The following IKZF1 variants were observed in gnomAD, a reference collection of about 807,000 sequenced individuals.
IKZF1 encodes DNA-binding protein Ikaros.
In IKZF1, 10 loss-of-function variants were observed where a neutral mutation model predicts 51.7. That is an observed-to-expected ratio of 0.19 (90% CI 0.12 to 0.33). IKZF1 has a LOEUF of 0.33. IKZF1 is among the 10% of genes least tolerant of loss of function. The pLI is 1.00. For missense variants in IKZF1, 484 were observed against 707.5 expected (o/e 0.68, Z 3.58); for synonymous variants, 280 against 282.3 (o/e 0.99, Z 0.08).
At chr7:50,320,214 T>G (rs1792806525) in intron 2 of IKZF1, among the ~76,000 whole-genome samples, 1 of 152,222 alleles carries the variant, frequency 6.6e-6, no homozygotes, top group Non-Finnish European at 1.5e-5. Flanking sequence ...ATTTATATCT[T>G]AAATATAATT....
At chr7:50,327,478 T>C in intron 2 of IKZF1, 160 bp from the exon 3 acceptor site, 2 of 772,204 alleles carry the variant, frequency 2.6e-6, no homozygotes, top group Non-Finnish European at 3.9e-6. Flanking sequence ...GAGAAGTGAC[T>C]TTTTTTATAA....
intron 3 of IKZF1, among the ~76,000 whole-genome samples, chr7:50,365,931 T>C (rs924384007): frequency 6.6e-6 from 1 of 152,190 alleles, no homozygotes; most frequent in Admixed American, 6.5e-5. Flanking sequence ...CCCCATGGAA[T>C]ACTATGCAGC....
At chr7:50,369,618 C>T (rs1808056418) in intron 3 of IKZF1, 1 of 398,566 alleles carries the variant, frequency 2.5e-6, no homozygotes, top group East Asian at 3.6e-5. Flanking sequence ...CCAATATCAC[C>T]ACCTTGTGGT....
chr7:50,310,685 C>G (rs901173770), intron 1 of IKZF1, among the ~76,000 whole-genome samples: 6 of 152,192 alleles, frequency 3.9e-5, no homozygotes, highest in Non-Finnish European at 4.4e-5. Flanking sequence ...TACAGGACAG[C>G]CAGCGCTGAG....
At chr7:50,388,812 G>A (rs1814160843) in intron 6 of IKZF1, among the ~76,000 whole-genome samples, 1 of 152,118 alleles carries the variant, frequency 6.6e-6, no homozygotes, top group Admixed American at 6.5e-5. Context: ...GTTTTTTTCT[G>A]TAAAAAATAA....
chr7:50,317,930 G>C (rs1331504503), intron 1 of IKZF1, among the ~76,000 whole-genome samples: 1 of 152,172 alleles, frequency 6.6e-6, no homozygotes, highest in Non-Finnish European at 1.5e-5. Context: ...GACAGAGGTG[G>C]CCAAAAATAA....
rs907524461 is a variant in IKZF1 at position 50,403,786 on chromosome 7, T to C, written c.*3159T>C. ...AGCTGCCTGAGATGTAGTTTTGTTA[T>C]ATGGTTCCCCACCGACCATTTTTGT... On this transcript the variant is annotated 3_prime_UTR_variant, in exon 8 of 8. Coordinates refer to ENST00000331340, the MANE Select transcript of IKZF1 (RefSeq NM_006060.6). The C allele has an allele frequency of 1.3e-5, 3 of 227,442 alleles. No homozygotes were observed. Among genetic ancestry groups the C allele is most frequent in the Non-Finnish European group, 2.6e-5 (3 of 114,078 alleles). 14.1% of individuals were successfully genotyped at this position (227,442 alleles called of 1,614,324 possible).
intron 7 of IKZF1, among the ~76,000 whole-genome samples, chr7:50,399,310 AT>A (rs1465476255): frequency 6.6e-6 from 1 of 152,116 alleles, no homozygotes; most frequent in African/African-American, 2.4e-5. Context: ...CCTTTGGGTT[AT>A]TTGTCAAAAA....
chr7:50,322,153 C>T (rs1004433888), intron 2 of IKZF1, among the ~76,000 whole-genome samples: 14 of 151,972 alleles, frequency 9.2e-5, no homozygotes, highest in Non-Finnish European at 1.9e-4. Flanking sequence ...TTGTTTTTTT[C>T]ATTTCTAAAG....
intron 1 of IKZF1, among the ~76,000 whole-genome samples, chr7:50,314,074 A>G (rs1004177950): frequency 9.2e-5 from 14 of 152,340 alleles, no homozygotes; most frequent in South Asian, 2.1e-4. Flanking sequence ...CAACAGAAAG[A>G]CATTGTAAGG....
intron 4 of IKZF1, among the ~76,000 whole-genome samples, chr7:50,379,497 G>T (rs1215649092): frequency 6.6e-6 from 1 of 152,240 alleles, no homozygotes; most frequent in Non-Finnish European, 1.5e-5. Flanking sequence ...TCTGACTCGG[G>T]TGTAATAGTA....
intron 5 of IKZF1, among the ~76,000 whole-genome samples, chr7:50,384,860 A>C (rs1440590057): frequency 6.6e-6 from 1 of 152,254 alleles, no homozygotes; most frequent in African/African-American, 2.4e-5. Context: ...ACTCGTTCTT[A>C]GGTTGACACC....
At chr7:50,347,943 C>T (rs2153426154) in intron 3 of IKZF1, among the ~76,000 whole-genome samples, 2 of 152,306 alleles carry the variant, frequency 1.3e-5, no homozygotes, top group South Asian at 4.1e-4. Flanking sequence ...CAGATGGACA[C>T]CCATCCCATT....
chr7:50,353,839 G>T (rs1403184562), intron 3 of IKZF1, among the ~76,000 whole-genome samples: 2 of 152,184 alleles, frequency 1.3e-5, no homozygotes, highest in Non-Finnish European at 1.5e-5. Context: ...AGGGCCCTGT[G>T]CCTGTTTTCT....
intron 3 of IKZF1, among the ~76,000 whole-genome samples, chr7:50,341,935 G>A (rs1193402897): frequency 9.3e-5 from 14 of 151,168 alleles, no homozygotes; most frequent in Middle Eastern, 6.9e-3. Flanking sequence ...CAGGCAGGCA[G>A]ATCTTGAGAG....
At chr7:50,369,636 A>G (rs1277125869) in intron 3 of IKZF1, 4 of 398,418 alleles carry the variant, frequency 1.0e-5, no homozygotes, top group Non-Finnish European at 1.3e-5. Flanking sequence ...GGTCATGATG[A>G]AGAATTGCCC....
At chr7:50,391,888 C>T (rs917610818) in intron 7 of IKZF1, 25 bp downstream of exon 7, 8 of 1,590,542 alleles carry the variant, frequency 5.0e-6, no homozygotes, top group Admixed American at 1.8e-5. Flanking sequence ...TTTGCTGTCT[C>T]TTAAAAAAAA....
chr7:50,387,815 T>C (rs1562885525), intron 6 of IKZF1, among the ~76,000 whole-genome samples: 1 of 152,228 alleles, frequency 6.6e-6, no homozygotes, highest in Non-Finnish European at 1.5e-5. Context: ...CAAGTAGTGA[T>C]ATTTCTTTGT....
rs376629469 is a variant in IKZF1 at position 50,327,605 on chromosome 7, C to T, written c.41-33C>T. 64 of 1,571,386 alleles carry T rather than the reference C, an allele frequency of 4.1e-5. No individual in the cohort carries two copies. In the African/African-American group the frequency reaches 5.3e-4, roughly 13 times the overall value. On this transcript the variant is annotated intron_variant, in intron 2 of 7. Coordinates refer to ENST00000331340, the MANE Select transcript of IKZF1 (RefSeq NM_006060.6). ...GAAGCCCAGGCACCTTGACCATGAC[C>T]GCCCGAGACTCACACTTCTTCTTTC...
Sources: gnomAD v4.1 joint callset for allele counts (sites outside exome capture counted in the v4.1 genomes callset) on GRCh38, gnomAD v4.1.1 for gene constraint, MANE v1.5 for transcripts, NCBI Gene and HGNC (gene_info 2026-07-23, HGNC 2026-07-21) for gene names.